DNAJC12: variants seen among roughly 807,000 people sequenced by gnomAD.
DNAJC12 encodes dnaJ homolog subfamily C member 12.
DNAJC12 carries 25 observed loss-of-function variants against 28.5 expected under a neutral mutation model. The ratio of observed to expected loss-of-function variants is 0.88; its 90% CI spans 0.64 to 1.22. The LOEUF (loss-of-function observed/expected upper bound fraction) is 1.22, where lower values mean the gene tolerates loss of function less well. Among genes scored for constraint, DNAJC12 ranks in the 50% most tolerant of loss-of-function variants. DNAJC12 has a pLI of 0.00. For missense variants in DNAJC12, 222 were observed against 231.7 expected (o/e 0.96, Z 0.27); for synonymous variants, 77 against 80.6 (o/e 0.95, Z 0.24).
chr10:67,806,060 A>T (rs1841797571), intron 3 of DNAJC12, among the ~76,000 whole-genome samples: 1 of 152,228 alleles, frequency 6.6e-6, no homozygotes, highest in South Asian at 2.1e-4. Context: ...GGACAGATGG[A>T]TGAATGAATG....
intron 4 of DNAJC12, among the ~76,000 whole-genome samples, chr10:67,802,020 C>A (rs895476260): frequency 2.0e-5 from 3 of 151,522 alleles, no homozygotes; most frequent in African/African-American, 7.3e-5. Context: ...CGCCAGCATA[C>A]CTAGCTAATG....
At chr10:67,821,070 A>G (rs1234214666) in intron 2 of DNAJC12, among the ~76,000 whole-genome samples, 1 of 151,892 alleles carries the variant, frequency 6.6e-6, no homozygotes, top group Admixed American at 6.6e-5. Context: ...GGTGTGAGCC[A>G]CTGCACCCAG....
chr10:67,832,237 C>T (rs1589051140), intron 1 of DNAJC12, among the ~76,000 whole-genome samples: 1 of 149,632 alleles, frequency 6.7e-6, no homozygotes, highest in Non-Finnish European at 1.5e-5. Context: ...TGCACTCCAG[C>T]CTGGGCAACA....
chr10:67,830,306 G>A lies in DNAJC12; in HGVS notation c.79-6914C>T, dbSNP rs181186658. Among the ~76,000 whole-genome samples the A allele has an allele frequency of 2.0e-5, 3 of 149,080 alleles. No homozygotes were observed. The East Asian group carries it at 6.0e-4, about 30-fold the overall frequency. Reference sequence around the variant, plus strand: ...AGCCTGAGTGACAGAGCAAGACTCCGTCTCAAAAAATAAATAAATAGGCCG... The same window carrying A: ...AGCCTGAGTGACAGAGCAAGACTCCATCTCAAAAAATAAATAAATAGGCCG... On this transcript the variant is annotated intron_variant, in intron 1 of 4. Transcript: ENST00000225171.
chr10:67,797,989 G>A (rs964177577), intron 4 of DNAJC12, among the ~76,000 whole-genome samples: 5 of 149,256 alleles, frequency 3.3e-5, no homozygotes, highest in East Asian at 1.9e-4. Context: ...GCAGTGAGCC[G>A]AGATAGCGCC....
At chr10:67,823,571 CAT>C (rs899220873) in intron 1 of DNAJC12, among the ~76,000 whole-genome samples, 179 bp from the exon 2 acceptor site, 1 of 152,002 alleles carries the variant, frequency 6.6e-6, no homozygotes, top group African/African-American at 2.4e-5. Context: ...CATGGTGACA[CAT>C]GTTAGTAGTC....
intron 2 of DNAJC12, among the ~76,000 whole-genome samples, chr10:67,817,756 T>C (rs967381351): frequency 1.1e-4 from 16 of 151,686 alleles, no homozygotes; most frequent in African/African-American, 3.9e-4. Flanking sequence ...CACACACTTA[T>C]AGCTCCGGCT....
chr10:67,806,817 T>C (rs1178864016), intron 3 of DNAJC12, among the ~76,000 whole-genome samples: 1 of 92,806 alleles, frequency 1.1e-5, no homozygotes. Context: ...AGAGCAAGAC[T>C]CGGTCTCAAA....
intron 1 of DNAJC12, among the ~76,000 whole-genome samples, chr10:67,834,721 G>A (rs1842126303): frequency 6.6e-6 from 1 of 152,158 alleles, no homozygotes; most frequent in South Asian, 2.1e-4. Flanking sequence ...CTGCTACTCA[G>A]GAGGCTGAAG....
chr10:67,814,174 G>A (rs1841891166), intron 2 of DNAJC12, among the ~76,000 whole-genome samples: 1 of 151,976 alleles, frequency 6.6e-6, no homozygotes. Flanking sequence ...CTTATAAATG[G>A]AATAGAATTG....
chr10:67,826,757 ATC>A (rs61369532), intron 1 of DNAJC12, among the ~76,000 whole-genome samples: 12 of 120,552 alleles, frequency 1.0e-4, no homozygotes, highest in Admixed American at 1.9e-4. Context: ...ATCATTATAT[ATC>A]TGATATCTAA....
intron 4 of DNAJC12, among the ~76,000 whole-genome samples, chr10:67,805,083 G>A (rs546736450): frequency 1.6e-4 from 24 of 152,114 alleles, no homozygotes; most frequent in African/African-American, 5.3e-4. Context: ...CATAGGATAG[G>A]GCAATGCCTT....
intron 1 of DNAJC12, among the ~76,000 whole-genome samples, chr10:67,835,874 A>G (rs566829333): frequency 1.3e-5 from 2 of 152,300 alleles, no homozygotes; most frequent in South Asian, 2.1e-4. Flanking sequence ...TGAGACAAGG[A>G]AGTATGACTC....
chr10:67,806,898 G>A (rs1841808166), intron 3 of DNAJC12, among the ~76,000 whole-genome samples: 3 of 151,730 alleles, frequency 2.0e-5, no homozygotes, highest in African/African-American at 7.3e-5. Flanking sequence ...CTGTGTAACA[G>A]AATTACATCT....
At chr10:67,824,720 T>TTTTA (rs528660440) in intron 1 of DNAJC12, among the ~76,000 whole-genome samples, 1,871 of 151,684 alleles carry the variant, frequency 0.012, 43 homozygotes, top group African/African-American at 0.04. Context: ...TTTTATTTTA[T>TTTTA]TTTATTTATT....
chr10:67,812,488 A>T (rs1841870566), intron 2 of DNAJC12, among the ~76,000 whole-genome samples: 2 of 152,194 alleles, frequency 1.3e-5, no homozygotes, highest in African/African-American at 4.8e-5. Flanking sequence ...TCTGTTAGAA[A>T]CACCTCCAAA....
chr10:67,797,305 A>C lies in DNAJC12; in HGVS notation c.503-95T>G, dbSNP rs59024034. ...CTTGGGGATAATATTTCACTGCAGC[A>C]GGTACAATGTAAGGGTAAGACTTTG... On this transcript the variant is annotated intron_variant, in intron 4 of 4. Coordinates refer to ENST00000225171, the MANE Select transcript of DNAJC12 (RefSeq NM_021800.3). 225 of 946,434 alleles carry C rather than the reference A, an allele frequency of 2.4e-4. No homozygotes were observed. The African/African-American group carries it at 3.3e-3, about 14-fold the overall frequency. 58.6% of individuals were successfully genotyped at this position (946,434 alleles called of 1,614,324 possible).
chr10:67,819,170 A>G (rs1841945815), intron 2 of DNAJC12, among the ~76,000 whole-genome samples: 1 of 151,766 alleles, frequency 6.6e-6, no homozygotes. Flanking sequence ...CGTCTCTAGT[A>G]AAAATACAAA....
chr10:67,814,036 C>CAA (rs34125048), intron 2 of DNAJC12, among the ~76,000 whole-genome samples: 1,610 of 122,990 alleles, frequency 0.013, 17 homozygotes, highest in South Asian at 0.025. Context: ...CCAGAATTGC[C>CAA]AAAAAAAAAA....
Sources: allele counts gnomAD v4.1 joint callset (sites outside exome capture counted in the v4.1 genomes callset), GRCh38; gene constraint gnomAD v4.1.1; transcripts MANE v1.5; gene names NCBI Gene and HGNC (gene_info 2026-07-23, HGNC 2026-07-21).